PITPNB: variants seen among roughly 807,000 people sequenced by gnomAD.
The protein encoded by PITPNB is phosphatidylinositol transfer protein beta isoform.
PITPNB carries 16 observed loss-of-function variants against 45.9 expected under a neutral mutation model. The observed-to-expected ratio is 0.35, with a 90% CI of 0.24 to 0.53. PITPNB has a LOEUF of 0.53. PITPNB is among the 20% of genes least tolerant of loss of function. The probability of loss-of-function intolerance (pLI) is 0.93; values close to 1 mark genes in which losing one functional copy is unlikely to be tolerated. For synonymous variants in PITPNB, 112 were observed against 108.9 expected, an observed-to-expected ratio of 1.03 and a Z score of -0.18; for missense variants, 188 against 330.5, an observed-to-expected ratio of 0.57 and a Z score of 3.34.
At chr22:27,909,462 A>G (rs2146424037) in intron 3 of PITPNB, among the ~76,000 whole-genome samples, 1 of 152,268 alleles carries the variant, frequency 6.6e-6, no homozygotes, top group East Asian at 1.9e-4. Context: ...CAAAGAGAAA[A>G]GAAACAATGA....
At chr22:27,896,673 C>T (rs1935442457) in intron 5 of PITPNB, 47 bp from the exon 6 acceptor site, 3 of 1,298,496 alleles carry the variant, frequency 2.3e-6, no homozygotes, top group Non-Finnish European at 2.2e-6. Context: ...CTACCTGTTC[C>T]TTGGTGCCCA....
intron 7 of PITPNB, among the ~76,000 whole-genome samples, chr22:27,884,012 G>T (rs1032088487): frequency 6.6e-6 from 1 of 152,198 alleles, no homozygotes; most frequent in Non-Finnish European, 1.5e-5. Flanking sequence ...CTAGTGAGTG[G>T]ACCCACAGCT....
rs1380421493 is a variant in PITPNB, at chr22:27,915,008, A to C, written c.21-661T>G. ...GTATATACCAAAAAGATGTCATTAT[A>C]GCTCCATTGCAAGCAGTCTTAAAAG... On this transcript the variant is annotated intron_variant, in intron 1 of 11. Transcript: ENST00000335272. Among the ~76,000 whole-genome samples, 3 of 152,218 alleles carry C rather than the reference A, an allele frequency of 2.0e-5. No individual in the cohort carries two copies. In the East Asian group the frequency reaches 5.8e-4, roughly 29 times the overall value.
chr22:27,888,914 C>T (rs551060332), intron 7 of PITPNB, among the ~76,000 whole-genome samples: 31 of 152,186 alleles, frequency 2.0e-4, no homozygotes, highest in Admixed American at 3.9e-4. Flanking sequence ...CCTGGCAAGG[C>T]CTGAGCTAGG....
intron 3 of PITPNB, 28 bp downstream of exon 3, chr22:27,910,936 C>T (rs771180302): frequency 6.3e-7 from 1 of 1,589,728 alleles, no homozygotes; most frequent in Non-Finnish European, 8.6e-7. Context: ...CAGGTAGTTA[C>T]AAGGCGTCAA....
intron 1 of PITPNB, among the ~76,000 whole-genome samples, chr22:27,918,747 G>T (rs1056892920): frequency 3.9e-5 from 6 of 152,156 alleles, no homozygotes; most frequent in South Asian, 2.1e-4. Flanking sequence ...GGTTACCAGG[G>T]GACTCCACCC....
chr22:27,919,130 C>G, intron 1 of PITPNB, 42 bp downstream of exon 1: 1 of 1,614,026 alleles, frequency 6.2e-7, no homozygotes, highest in African/African-American at 1.3e-5. Flanking sequence ...TCTCCCATCA[C>G]TGCCGTCCCA....
Position 27,851,761 on chromosome 22 carries a change from T to C in PITPNB, c.*1941A>G, listed in dbSNP as rs1934025918. The C allele has an allele frequency of 6.6e-6, 1 of 152,188 alleles. No individual in the cohort carries two copies. Among genetic ancestry groups the C allele is most frequent in the South Asian group, 2.1e-4 (1 of 4,834 alleles). 9.4% of individuals were successfully genotyped at this position (152,188 alleles called of 1,614,324 possible). A position where few individuals can be genotyped will look rare whatever the true frequency, so the allele number is the denominator to read the frequency against. On this transcript the variant is annotated 3_prime_UTR_variant, in exon 12 of 12. Coordinates refer to ENST00000335272, the MANE Select transcript of PITPNB (RefSeq NM_012399.5). ...AAGAGACTGGCAAGTAAACTAGGTA[T>C]TTTACATTCACCACACATTCCCTCA...
chr22:27,892,627 C>T (rs887993448), intron 7 of PITPNB, among the ~76,000 whole-genome samples: 26 of 152,190 alleles, frequency 1.7e-4, no homozygotes, highest in African/African-American at 5.5e-4. Context: ...CCAATTACTT[C>T]TCTTCCCATC....
intron 7 of PITPNB, among the ~76,000 whole-genome samples, chr22:27,881,431 A>AT (rs1428610283): frequency 6.6e-6 from 1 of 152,218 alleles, no homozygotes; most frequent in African/African-American, 2.4e-5. Context: ...CACCCTAGTG[A>AT]TAAGTAACAC....
At chr22:27,914,451 C>T in intron 1 of PITPNB, 104 bp from the exon 2 acceptor site, 1 of 672,318 alleles carries the variant, frequency 1.5e-6, no homozygotes, top group East Asian at 3.0e-5. Flanking sequence ...AGAGACAGGT[C>T]TCTTAAATCA....
Position 27,853,609 on chromosome 22 carries a change from T to C in PITPNB, c.*93A>G. On this transcript the variant is annotated 3_prime_UTR_variant, in exon 12 of 12. Coordinates refer to ENST00000335272, the MANE Select transcript of PITPNB (RefSeq NM_012399.5). ...ACACTGCAAGATACTGGTCAGATTCTTCTTCACTCATCACTGGCTGCGCTT... is the reference window on the plus strand; with the variant it reads ...ACACTGCAAGATACTGGTCAGATTCCTCTTCACTCATCACTGGCTGCGCTT... 1.9e-6 allele frequency: 3 copies of C among 1,550,082 alleles called. No homozygotes were observed. The highest frequency in any genetic ancestry group is 2.6e-6 in the Non-Finnish European group (3 of 1,146,090).
chr22:27,907,919 G>T (rs1025289500), intron 3 of PITPNB, among the ~76,000 whole-genome samples: 1 of 151,566 alleles, frequency 6.6e-6, no homozygotes, highest in African/African-American at 2.4e-5. Context: ...AAAACCACAG[G>T]GTACTCCGCT....
chr22:27,899,453 G>C (rs1430720991), intron 3 of PITPNB, among the ~76,000 whole-genome samples: 1 of 151,998 alleles, frequency 6.6e-6, no homozygotes, highest in African/African-American at 2.4e-5. Context: ...CTCCCGAATA[G>C]CTGGGGGTAC....
intron 3 of PITPNB, among the ~76,000 whole-genome samples, chr22:27,898,798 G>A (rs973219563): frequency 4.6e-5 from 7 of 152,156 alleles, no homozygotes; most frequent in Non-Finnish European, 1.0e-4. Context: ...TATATGAGAA[G>A]CTTGTGCAAG....
chr22:27,866,985 CTATT>C (rs1277270253), intron 8 of PITPNB, among the ~76,000 whole-genome samples: 7 of 152,310 alleles, frequency 4.6e-5, no homozygotes, highest in African/African-American at 1.4e-4. Flanking sequence ...GCTATTCTCT[CTATT>C]TAGGTAACCT....
At chr22:27,867,368 C>A (rs1934514852) in intron 8 of PITPNB, among the ~76,000 whole-genome samples, 1 of 152,048 alleles carries the variant, frequency 6.6e-6, no homozygotes, top group South Asian at 2.1e-4. Context: ...GTGGGGAAGT[C>A]CCATCTGGTG....
At chr22:27,862,525 A>G (rs150495523) in intron 8 of PITPNB, among the ~76,000 whole-genome samples, 1 of 152,292 alleles carries the variant, frequency 6.6e-6, no homozygotes, top group East Asian at 1.9e-4. Flanking sequence ...AAATAAAAAT[A>G]TTATAGTAAA....
At chr22:27,870,657 A>G (rs1458289089) in intron 8 of PITPNB, among the ~76,000 whole-genome samples, 2 of 152,198 alleles carry the variant, frequency 1.3e-5, no homozygotes, top group Non-Finnish European at 2.9e-5. Flanking sequence ...AGAAGTATAA[A>G]AATTTCCAAC....
Sources: gnomAD v4.1 joint callset for allele counts (sites outside exome capture counted in the v4.1 genomes callset) on GRCh38, gnomAD v4.1.1 for gene constraint, MANE v1.5 for transcripts, NCBI Gene and HGNC (gene_info 2026-07-23, HGNC 2026-07-21) for gene names.